Variants in CTNND2 observed in about 807,000 individuals in gnomAD.
The protein encoded by CTNND2 is catenin delta 2.
A neutral mutation model predicts 144.4 loss-of-function variants in CTNND2; 22 were observed. That is an observed-to-expected ratio of 0.15 (90% CI 0.11 to 0.22). CTNND2 has a LOEUF of 0.22. Among genes scored for constraint, CTNND2 ranks in the 10% least tolerant of loss-of-function variants. The pLI is 1.00. For synonymous variants in CTNND2, 751 were observed against 695.6 expected, an observed-to-expected ratio of 1.08 and a Z score of -1.25; for missense variants, 1,353 against 1,618.8, an observed-to-expected ratio of 0.84 and a Z score of 2.82.
At chr5:11,482,203 A>T (rs554586427) in intron 3 of CTNND2, among the ~76,000 whole-genome samples, 12 of 152,268 alleles carry the variant, frequency 7.9e-5, no homozygotes, top group African/African-American at 2.9e-4. Flanking sequence ...CTTCCTAAGC[A>T]CACTGCTATT....
At chr5:11,305,794 C>T (rs1465738548) in intron 9 of CTNND2, among the ~76,000 whole-genome samples, 2 of 152,196 alleles carry the variant, frequency 1.3e-5, no homozygotes, top group Admixed American at 6.5e-5. Flanking sequence ...GGATTCAGAA[C>T]GTGTTCTTCT....
At chr5:11,021,604 G>A (rs1303656043) in intron 17 of CTNND2, among the ~76,000 whole-genome samples, 1 of 152,162 alleles carries the variant, frequency 6.6e-6, no homozygotes, top group Non-Finnish European at 1.5e-5. Flanking sequence ...CTTAATATGA[G>A]AAAACATTCA....
chr5:11,430,415 ACTTG>A (rs1561381728), intron 3 of CTNND2, among the ~76,000 whole-genome samples: 2 of 133,458 alleles, frequency 1.5e-5, no homozygotes, highest in African/African-American at 7.5e-5. Context: ...GGTGAGGATG[ACTTG>A]ATTAAAAAAA....
intron 2 of CTNND2, among the ~76,000 whole-genome samples, chr5:11,650,172 G>A (rs1782576533): frequency 6.6e-6 from 1 of 152,074 alleles, no homozygotes; most frequent in African/African-American, 2.4e-5. Context: ...TCATGATAGT[G>A]AGTAAAATCC....
At chr5:11,649,519 G>T (rs995564229) in intron 2 of CTNND2, among the ~76,000 whole-genome samples, 2 of 152,094 alleles carry the variant, frequency 1.3e-5, no homozygotes, top group Admixed American at 6.6e-5. Context: ...GTTTCACCAT[G>T]TTGGCCAGGC....
chr5:11,301,726 T>C (rs1749628385), intron 9 of CTNND2, among the ~76,000 whole-genome samples: 1 of 152,244 alleles, frequency 6.6e-6, no homozygotes, highest in African/African-American at 2.4e-5. Flanking sequence ...TGTGTTTTAA[T>C]CTTAAGACAT....
intron 2 of CTNND2, among the ~76,000 whole-genome samples, chr5:11,671,822 T>C (rs917763382): frequency 6.6e-5 from 10 of 152,148 alleles, no homozygotes; most frequent in Non-Finnish European, 1.3e-4. Context: ...GTTCCCTTGC[T>C]GGCGAGGAGC....
At chr5:11,614,341 A>T (rs1486823985) in intron 2 of CTNND2, among the ~76,000 whole-genome samples, 2 of 152,214 alleles carry the variant, frequency 1.3e-5, no homozygotes, top group East Asian at 3.8e-4. Context: ...CTGAAGAAAC[A>T]AGATTTCTGC....
In CTNND2 at chr5:11,564,968, T is replaced by G; in HGVS notation, c.263A>C (p.Glu88Ala). 1 of 1,613,934 alleles carries G rather than the reference T, an allele frequency of 6.2e-7. No homozygotes were observed. The highest frequency in any genetic ancestry group is 8.5e-7 in the Non-Finnish European group (1 of 1,179,856). Reference protein sequence around the residue: ...SQLERCKLGSETGSMSSMSSA... With the variant: ...SQLERCKLGSATGSMSSMSSA... ...CCTCATGCTGCTCATGCTGCCAGTC[T>G]CGGATCCGAGCTTGCATCGCTCCAG... Residue 88 changes from glutamate to alanine, a missense_variant, in exon 3 of 22, where the codon GAG becomes GCG. Transcript: ENST00000304623.
intron 7 of CTNND2, among the ~76,000 whole-genome samples, chr5:11,382,138 T>A (rs1467226940): frequency 6.6e-6 from 1 of 151,984 alleles, no homozygotes; most frequent in Admixed American, 6.6e-5. Flanking sequence ...AAGTTGGAAA[T>A]TATATATTAA....
chr5:11,481,580 G>A (rs1391071877), intron 3 of CTNND2, among the ~76,000 whole-genome samples: 1 of 151,930 alleles, frequency 6.6e-6, no homozygotes, highest in Non-Finnish European at 1.5e-5. Flanking sequence ...TGCAGCTTGG[G>A]AAACAGAATG....
chr5:11,060,976 T>C (rs1267514941), intron 16 of CTNND2, among the ~76,000 whole-genome samples: 1 of 152,188 alleles, frequency 6.6e-6, no homozygotes, highest in African/African-American at 2.4e-5. Context: ...TTTTTCTTTT[T>C]CACACTGATG....
intron 2 of CTNND2, among the ~76,000 whole-genome samples, chr5:11,727,298 C>T (rs978247203): frequency 2.0e-5 from 3 of 152,176 alleles, no homozygotes; most frequent in Non-Finnish European, 4.4e-5. Flanking sequence ...AACACCCCAT[C>T]TGGTCAATCT....
intron 3 of CTNND2, among the ~76,000 whole-genome samples, chr5:11,528,463 C>A (rs1402467618): frequency 6.6e-6 from 1 of 152,146 alleles, no homozygotes; most frequent in Non-Finnish European, 1.5e-5. Flanking sequence ...AGTTCGTCCT[C>A]CATGTCATGG....
At chr5:11,726,751 T>C (rs1377386390) in intron 2 of CTNND2, among the ~76,000 whole-genome samples, 2 of 152,172 alleles carry the variant, frequency 1.3e-5, no homozygotes, top group East Asian at 1.9e-4. Context: ...TCTCTTTTTT[T>C]CCCTTGATAG....
intron 3 of CTNND2, among the ~76,000 whole-genome samples, chr5:11,483,875 A>G (rs1193727912): frequency 6.6e-6 from 1 of 152,230 alleles, no homozygotes; most frequent in African/African-American, 2.4e-5. Flanking sequence ...GTACCAGAAT[A>G]ATCCTTTTAC....
rs570270687 is a variant in CTNND2, at chr5:11,799,664, G to A, written c.38-67392C>T. Among the ~76,000 whole-genome samples, 691 of 152,062 alleles carry A rather than the reference G, an allele frequency of 4.5e-3. 9 individuals carry two copies. Among genetic ancestry groups the A allele is most frequent in the African/African-American group, 0.016 (659 of 41,478 alleles). On this transcript the variant is annotated intron_variant, in intron 1 of 21. Transcript: ENST00000304623. ...ATCCCCCCCTTGCTCTGTCCATATC[G>A]CTACTTGGATAAAGAGGGAGAAGTT...
At chr5:11,607,546 C>G (rs1780112106) in intron 2 of CTNND2, among the ~76,000 whole-genome samples, 1 of 152,136 alleles carries the variant, frequency 6.6e-6, no homozygotes. Context: ...AAGTTAGTTT[C>G]TTTCATTAGA....
chr5:11,022,581 G>A (rs976122281), intron 17 of CTNND2, among the ~76,000 whole-genome samples, 188 bp downstream of exon 17: 7 of 152,176 alleles, frequency 4.6e-5, no homozygotes, highest in Admixed American at 1.3e-4. Flanking sequence ...GGGTGTGCTG[G>A]ATCGTCAAGT....
Sources: gnomAD v4.1 joint callset for allele counts (sites outside exome capture counted in the v4.1 genomes callset) on GRCh38, gnomAD v4.1.1 for gene constraint, MANE v1.5 for transcripts, NCBI Gene and HGNC (gene_info 2026-07-23, HGNC 2026-07-21) for gene names.